CNBD1: variants seen among roughly 807,000 people sequenced by gnomAD.
CNBD1 encodes cyclic nucleotide-binding domain-containing protein 1.
Under a neutral mutation model 54.4 loss-of-function variants are expected in CNBD1, and 71 were observed. The ratio of observed to expected loss-of-function variants is 1.30; its 90% CI spans 1.08 to 1.59. The LOEUF (loss-of-function observed/expected upper bound fraction) is 1.59, where lower values mean the gene tolerates loss of function less well. Among genes scored for constraint, CNBD1 ranks in the 40% most tolerant of loss-of-function variants. The probability of loss-of-function intolerance (pLI) is 0.00; values close to 1 mark genes in which losing one functional copy is unlikely to be tolerated. For missense variants in CNBD1, 659 were observed against 518.0 expected, an observed-to-expected ratio of 1.27 and a Z score of -2.64; for synonymous variants, 182 against 170.7, an observed-to-expected ratio of 1.07 and a Z score of -0.51.
chr8:87,283,321 G>A (rs1808630736), intron 6 of CNBD1, among the ~76,000 whole-genome samples: 1 of 151,756 alleles, frequency 6.6e-6, no homozygotes, highest in Non-Finnish European at 1.5e-5. Context: ...GTTTCTTTTA[G>A]GTTGTTCAAT....
intron 4 of CNBD1, among the ~76,000 whole-genome samples, chr8:87,001,169 G>A (rs181524894): frequency 6.6e-6 from 1 of 151,512 alleles, no homozygotes; most frequent in Non-Finnish European, 1.5e-5. Context: ...ACTTATGTCT[G>A]TTCTGTTATT....
At chr8:87,249,875 A>T (rs1363790111) in intron 6 of CNBD1, among the ~76,000 whole-genome samples, 2 of 152,184 alleles carry the variant, frequency 1.3e-5, no homozygotes, top group Non-Finnish European at 2.9e-5. Flanking sequence ...AAACTGTTAG[A>T]AGAAATCATT....
At chr8:87,132,808 C>T (rs866168100) in intron 4 of CNBD1, among the ~76,000 whole-genome samples, 1 of 145,390 alleles carries the variant, frequency 6.9e-6, no homozygotes, top group Non-Finnish European at 1.5e-5. Context: ...TATATATATA[C>T]ATATATATAT....
intron 4 of CNBD1, among the ~76,000 whole-genome samples, chr8:86,969,581 A>G (rs1225880370): frequency 6.6e-6 from 1 of 152,082 alleles, no homozygotes; most frequent in African/African-American, 2.4e-5. Context: ...TAAACTGAGA[A>G]TGGACAGATT....
intron 10 of CNBD1, among the ~76,000 whole-genome samples, chr8:87,379,204 G>A (rs943862054): frequency 6.6e-6 from 1 of 151,924 alleles, no homozygotes; most frequent in African/African-American, 2.4e-5. Flanking sequence ...GAATAGGAGT[G>A]GTGAGAGAGG....
intron 5 of CNBD1, among the ~76,000 whole-genome samples, chr8:87,227,798 A>G (rs886894628): frequency 4.7e-5 from 7 of 150,010 alleles, no homozygotes; most frequent in Non-Finnish European, 1.0e-4. Context: ...GCCTTGCTAG[A>G]TTGGGGAAAT....
At chr8:86,880,657 A>G (rs1808593542) in intron 1 of CNBD1, among the ~76,000 whole-genome samples, 1 of 152,176 alleles carries the variant, frequency 6.6e-6, no homozygotes, top group South Asian at 2.1e-4. Flanking sequence ...AGTCTTTATA[A>G]CACTTTGGTC....
At chr8:87,357,295 G>C (rs967139981) in intron 10 of CNBD1, among the ~76,000 whole-genome samples, 2 of 151,058 alleles carry the variant, frequency 1.3e-5, no homozygotes, top group African/African-American at 4.9e-5. Flanking sequence ...CCTGAGAATG[G>C]TAGAGCCATG....
intron 6 of CNBD1, among the ~76,000 whole-genome samples, chr8:87,266,262 A>T (rs1324798227): frequency 1.3e-5 from 2 of 151,772 alleles, no homozygotes; most frequent in Non-Finnish European, 2.9e-5. Context: ...CAAAAGGCTA[A>T]GAATACACTA....
intron 6 of CNBD1, among the ~76,000 whole-genome samples, chr8:87,275,145 G>T (rs1259548254): frequency 7.1e-6 from 1 of 140,492 alleles, no homozygotes; most frequent in Non-Finnish European, 1.5e-5. Flanking sequence ...GTCTGTTTTG[G>T]TACCAGTACC....
chr8:87,223,191 C>T (rs1241886776), intron 5 of CNBD1, among the ~76,000 whole-genome samples: 1 of 150,236 alleles, frequency 6.7e-6, no homozygotes, highest in African/African-American at 2.4e-5. Context: ...CTTTACCTCC[C>T]CACCTTTTTG....
In CNBD1 at chr8:87,145,109, T is replaced by C. The variant is rs142596249; in HGVS notation, c.432-60884T>C. 2.8e-3 allele frequency among the ~76,000 whole-genome samples: 428 copies of C among 152,250 alleles called. 4 individuals are homozygous for C. The highest frequency in any genetic ancestry group is 9.6e-3 in the African/African-American group (400 of 41,568). On this transcript the variant is annotated intron_variant, in intron 4 of 10. Coordinates refer to ENST00000518476, the MANE Select transcript of CNBD1 (RefSeq NM_173538.3). ...AACAAAAAATTTATAGCATATGCTATTAAGGTGTCAAAAGAAATTTTTATT... is the reference window on the plus strand; with the variant it reads ...AACAAAAAATTTATAGCATATGCTACTAAGGTGTCAAAAGAAATTTTTATT...
At chr8:87,406,478 ACTT>A (rs1807655419) in intron 2 of CNBD1, among the ~76,000 whole-genome samples, 1 of 68,702 alleles carries the variant, frequency 1.5e-5, no homozygotes, top group African/African-American at 8.0e-5. Context: ...ACACACACAC[ACTT>A]TTTTTTTTTT....
chr8:86,871,380 T>C (rs1808441280), intron 1 of CNBD1, among the ~76,000 whole-genome samples: 1 of 152,258 alleles, frequency 6.6e-6, no homozygotes, highest in South Asian at 2.1e-4. Flanking sequence ...AACTGATCTC[T>C]GGTCTTCCTT....
chr8:87,058,954 T>C (rs1810484248), intron 4 of CNBD1, among the ~76,000 whole-genome samples: 1 of 152,340 alleles, frequency 6.6e-6, no homozygotes, highest in African/African-American at 2.4e-5. Context: ...TTTTTGATAA[T>C]TTTATGCTCT....
At chr8:87,011,308 C>G (rs560589418) in intron 4 of CNBD1, among the ~76,000 whole-genome samples, 1 of 151,798 alleles carries the variant, frequency 6.6e-6, no homozygotes, top group Non-Finnish European at 1.5e-5. Context: ...CCTCCACCCT[C>G]GTGTAGCTTA....
intron 4 of CNBD1, among the ~76,000 whole-genome samples, chr8:87,101,082 G>C (rs1032412104): frequency 6.6e-6 from 1 of 152,168 alleles, no homozygotes; most frequent in Non-Finnish European, 1.5e-5. Flanking sequence ...ACACCTTTCA[G>C]ATAAAAGTTA....
chr8:87,091,122 A>G (rs1811194962), intron 4 of CNBD1, among the ~76,000 whole-genome samples: 1 of 145,610 alleles, frequency 6.9e-6, no homozygotes, highest in African/African-American at 2.6e-5. Context: ...CCTGGGTGAC[A>G]GAGTGAGACT....
intron 4 of CNBD1, among the ~76,000 whole-genome samples, chr8:86,994,954 G>A (rs1407214112): frequency 6.6e-6 from 1 of 152,044 alleles, no homozygotes; most frequent in Non-Finnish European, 1.5e-5. Context: ...GGCCTTTTTG[G>A]GGCTGTGATA....
Sources: gnomAD v4.1 joint callset for allele counts (sites outside exome capture counted in the v4.1 genomes callset) on GRCh38, gnomAD v4.1.1 for gene constraint, MANE v1.5 for transcripts, NCBI Gene and HGNC (gene_info 2026-07-23, HGNC 2026-07-21) for gene names.